Variants in SVIL observed in about 807,000 individuals in gnomAD.
SVIL encodes archvillin.
SVIL carries 101 observed loss-of-function variants against 240.4 expected under a neutral mutation model. The ratio of observed to expected loss-of-function variants is 0.42; its 90% confidence interval spans 0.36 to 0.50. The LOEUF is 0.50. SVIL is among the 20% of genes least tolerant of loss of function. SVIL has a pLI of 0.01. For synonymous variants in SVIL, 999 were observed against 1,100.0 expected (o/e 0.91, Z 1.82); for missense variants, 2,512 against 2,818.7 (o/e 0.89, Z 2.46).
At chr10:29,702,411 G>A (rs1030496652) in intron 1 of SVIL, among the ~76,000 whole-genome samples, 3 of 151,990 alleles carry the variant, frequency 2.0e-5, no homozygotes, top group East Asian at 1.9e-4. Context: ...TGACCTCCCC[G>A]CTGGGTTCTG....
chr10:29,580,537 A>G (rs973736392), intron 1 of SVIL, among the ~76,000 whole-genome samples: 1 of 152,180 alleles, frequency 6.6e-6, no homozygotes, highest in Non-Finnish European at 1.5e-5. Flanking sequence ...GGTGCACTAC[A>G]TGCTCCTCCA....
intron 1 of SVIL, among the ~76,000 whole-genome samples, chr10:29,719,680 A>C (rs1927456): frequency 0.4 from 61,129 of 152,118 alleles, 12,785 homozygotes; most frequent in East Asian, 0.49. Flanking sequence ...GTGCGAGATG[A>C]ACAGTAGACT....
chr10:29,688,966 C>A (rs1961293443), intron 1 of SVIL, among the ~76,000 whole-genome samples: 1 of 152,076 alleles, frequency 6.6e-6, no homozygotes, highest in Non-Finnish European at 1.5e-5. Flanking sequence ...CAACTTTACC[C>A]AGAGCATAAT....
intron 3 of SVIL, among the ~76,000 whole-genome samples, chr10:29,557,554 A>AT (rs1954051342): frequency 6.6e-6 from 1 of 152,190 alleles, no homozygotes; most frequent in East Asian, 1.9e-4. Context: ...TTTCATCCAA[A>AT]TTTTAATTAA....
intron 2 of SVIL, among the ~76,000 whole-genome samples, chr10:29,568,258 G>T (rs77588815): frequency 0.083 from 12,625 of 151,504 alleles, 601 homozygotes; most frequent in Admixed American, 0.13. Flanking sequence ...AAGATGTGGA[G>T]GAAATACACC....
intron 1 of SVIL, among the ~76,000 whole-genome samples, chr10:29,720,588 A>T (rs1167952365): frequency 6.6e-6 from 1 of 152,248 alleles, no homozygotes; most frequent in Non-Finnish European, 1.5e-5. Flanking sequence ...ACACAAAGGA[A>T]TAAAGAACAG....
chr10:29,560,544 G>A (rs1025036957), intron 3 of SVIL, among the ~76,000 whole-genome samples: 2 of 152,128 alleles, frequency 1.3e-5, no homozygotes, highest in South Asian at 2.1e-4. Flanking sequence ...AAGTCCCGTA[G>A]AGAAAAAGTA....
At chr10:29,602,387 C>T (rs1212846284) in intron 1 of SVIL, 1 of 485,246 alleles carries the variant, frequency 2.1e-6, no homozygotes, top group East Asian at 5.8e-5. Flanking sequence ...TCTCACCCTC[C>T]CTTCTCTGCT....
At chr10:29,555,912 G>A (rs1589240466) in intron 3 of SVIL, among the ~76,000 whole-genome samples, 1 of 152,332 alleles carries the variant, frequency 6.6e-6, no homozygotes, top group South Asian at 2.1e-4. Flanking sequence ...GCCTAAAGTG[G>A]CCGCTTCAAT....
intron 30 of SVIL, among the ~76,000 whole-genome samples, chr10:29,473,024 G>A (rs369814178): frequency 6.6e-6 from 1 of 152,258 alleles, no homozygotes; most frequent in Middle Eastern, 3.4e-3. Flanking sequence ...GCAGTATGGA[G>A]TAGGCAGGGG....
At chr10:29,478,674 C>A (rs1024887638) in intron 29 of SVIL, among the ~76,000 whole-genome samples, 1 of 151,788 alleles carries the variant, frequency 6.6e-6, no homozygotes, top group Non-Finnish European at 1.5e-5. Flanking sequence ...AATGCTGCTC[C>A]CTTTGGGAGG....
chr10:29,699,672 C>T (rs1962355833), intron 1 of SVIL, among the ~76,000 whole-genome samples: 1 of 152,168 alleles, frequency 6.6e-6, no homozygotes, highest in Non-Finnish European at 1.5e-5. Context: ...AGACGTTTTG[C>T]TTTTTCAGTA....
chr10:29,496,176 T>A (rs886770574), intron 18 of SVIL, among the ~76,000 whole-genome samples: 1 of 151,970 alleles, frequency 6.6e-6, no homozygotes, highest in African/African-American at 2.4e-5. Flanking sequence ...AAAAATTTAA[T>A]AAAAAAAACC....
At chr10:29,492,565 A>G (rs1412974759) in intron 21 of SVIL, among the ~76,000 whole-genome samples, 1 of 152,138 alleles carries the variant, frequency 6.6e-6, no homozygotes, top group Non-Finnish European at 1.5e-5. Context: ...GAGCCGACAA[A>G]GCCCTCCGCA....
upstream of SVIL, among the ~76,000 whole-genome samples, chr10:29,736,514 C>T (rs1964908256): frequency 6.6e-6 from 1 of 151,864 alleles, no homozygotes; most frequent in South Asian, 2.1e-4. Context: ...CGCTCTGTCG[C>T]CCGAGTGAAC....
intron 17 of SVIL, among the ~76,000 whole-genome samples, chr10:29,500,557 T>TCAAA (rs1214347049): frequency 6.6e-6 from 1 of 152,174 alleles, no homozygotes; most frequent in African/African-American, 2.4e-5. Flanking sequence ...GCATCCGCTT[T>TCAAA]CAAACTACAT....
intron 3 of SVIL, among the ~76,000 whole-genome samples, chr10:29,555,701 A>C (rs1258294793): frequency 6.6e-6 from 1 of 152,244 alleles, no homozygotes; most frequent in African/African-American, 2.4e-5. Context: ...CAGAAATCTC[A>C]GCAACTGTTT....
chr10:29,637,739 T>C (rs1030097584), upstream of SVIL, among the ~76,000 whole-genome samples: 5 of 152,178 alleles, frequency 3.3e-5, no homozygotes, highest in African/African-American at 1.2e-4. Flanking sequence ...CCAATCCTCA[T>C]TGTGGTACAT....
At chr10:29,462,642 G>T (rs1171354627) in intron 35 of SVIL, among the ~76,000 whole-genome samples, 4 of 152,066 alleles carry the variant, frequency 2.6e-5, no homozygotes, top group Non-Finnish European at 4.4e-5. Flanking sequence ...CTAACAAAAC[G>T]CTGTGTATTC....
Sources: allele counts gnomAD v4.1 joint callset (sites outside exome capture counted in the v4.1 genomes callset), GRCh38; gene constraint gnomAD v4.1.1; transcripts MANE v1.5; gene names NCBI Gene and HGNC (gene_info 2026-07-23, HGNC 2026-07-21).